TOX4: variants seen among roughly 807,000 people sequenced by gnomAD.
TOX4 encodes the protein TOX high mobility group box family member 4.
In TOX4, 12 loss-of-function variants were observed where a neutral mutation model predicts 61.0. The observed-to-expected ratio is 0.20, with a 90% CI of 0.13 to 0.32. The LOEUF (loss-of-function observed/expected upper bound fraction) is 0.32. Among genes scored for constraint, TOX4 ranks in the 10% least tolerant of loss-of-function variants. The pLI is 1.00. For missense variants in TOX4, 499 were observed against 753.3 expected (o/e 0.66, Z 3.95); for synonymous variants, 268 against 274.8 (o/e 0.98, Z 0.24).
chr14:21,477,764 CA>C (rs1352837413), intron 2 of TOX4, among the ~76,000 whole-genome samples, 200 bp downstream of exon 2: 1 of 152,112 alleles, frequency 6.6e-6, no homozygotes, highest in Non-Finnish European at 1.5e-5. Flanking sequence ...CATCAGAAAG[CA>C]AGGTATTGGA....
At chr14:21,482,489 T>C (rs1891121904) in intron 2 of TOX4, 1 of 441,806 alleles carries the variant, frequency 2.3e-6, no homozygotes, top group Non-Finnish European at 4.6e-6. Flanking sequence ...AATGGTATTT[T>C]TGATTTTTTG....
At position 21,487,612 on chromosome 14, in the gene TOX4, C is replaced by G; in HGVS notation, c.237C>G (p.Val79=). 1 of 1,614,158 alleles carries G rather than the reference C, an allele frequency of 6.2e-7. No homozygotes were observed. The highest frequency in any genetic ancestry group is 8.5e-7 in the Non-Finnish European group (1 of 1,180,038). ...GCAGTTTTTCAGCCCAGTATGGGGT[C>G]CAGACATTGGACATGCCTGTGGGCA... ...QDGSFSAQYG[V]QTLDMPVGMT... Residue 79 remains valine, a synonymous_variant, in exon 3 of 9, where the codon GTC becomes GTG. Transcript: ENST00000448790.
At chr14:21,482,733 C>T (rs770048435) in intron 2 of TOX4, 45 of 262,358 alleles carry the variant, frequency 1.7e-4, no homozygotes, top group Non-Finnish European at 3.2e-4. Context: ...GTTATGTAAT[C>T]CGCTAAAATA....
At position 21,488,813 on chromosome 14, in the gene TOX4, G is replaced by C. The variant is rs1220364528; in HGVS notation, c.542G>C (p.Ser181Thr). 6.2e-7 allele frequency: 1 copy of C among 1,614,194 alleles called. No homozygotes were observed. The highest frequency in any genetic ancestry group is 1.7e-5 in the Admixed American group (1 of 60,024). ...DRLSTTPSPT[S>T]SLHEDGVEDF... ...CTTTCAACCACCCCTTCACCTACTA[G>C]TTCACTTCACGAGGATGGTGTTGAG... The change falls in exon 4 of 9, where the codon AGT (serine) becomes ACT (threonine). Residue 181 changes from serine (S) to threonine (T), a missense_variant. This residue lies in a region of TOX4 where 61 missense variants were observed against 76.1 expected (regional missense o/e 0.80). Transcript: ENST00000448790.
chr14:21,496,502 A>T, intron 8 of TOX4, 44 bp from the exon 9 acceptor site: 2 of 1,544,248 alleles, frequency 1.3e-6, no homozygotes, highest in South Asian at 1.2e-5. Context: ...ATTCTATTTC[A>T]GTTTGTGTAT....
intron 2 of TOX4, among the ~76,000 whole-genome samples, chr14:21,483,712 A>G (rs1056323597): frequency 4.0e-5 from 6 of 151,522 alleles, no homozygotes; most frequent in Admixed American, 2.6e-4. Flanking sequence ...ACATACATAA[A>G]TACATGATTT....
Position 21,477,580 on chromosome 14 carries a change from C to G in TOX4, c.75+16C>G. On this transcript the variant is annotated intron_variant, in intron 2 of 8. Coordinates refer to ENST00000448790, the MANE Select transcript of TOX4 (RefSeq NM_014828.4). ...AGGGGCCGAGGTGAGCCAGAGCTGC[C>G]GACGCCGCGGGGGTAGGGCCTGAGG... The G allele has an allele frequency of 6.2e-7, 1 of 1,613,094 alleles. No homozygotes were observed.
At chr14:21,489,444 GTT>G in intron 5 of TOX4, 41 bp downstream of exon 5, 1 of 1,543,616 alleles carries the variant, frequency 6.5e-7, no homozygotes, top group South Asian at 1.2e-5. Flanking sequence ...TGTTCCAGAA[GTT>G]TTTAAAGAGA....
At chr14:21,490,619 C>T (rs1476171376) in intron 5 of TOX4, among the ~76,000 whole-genome samples, 1 of 152,204 alleles carries the variant, frequency 6.6e-6, no homozygotes, top group Admixed American at 6.5e-5. Context: ...AGTTGAGACA[C>T]AATCCAGGTT....
rs1047957121 is a variant in TOX4 at position 21,497,195 on chromosome 14, C to CT, written c.*590dup. On this transcript the variant is annotated 3_prime_UTR_variant, in exon 9 of 9. Coordinates refer to ENST00000448790, the MANE Select transcript of TOX4 (RefSeq NM_014828.4). Reference sequence around the variant, plus strand: ...ATCTGAGTTATCACAGTTCATGAATCTAAGAGGCGGAACTCTACATCATTA... The same window carrying CT: ...ATCTGAGTTATCACAGTTCATGAATCTTAAGAGGCGGAACTCTACATCATTA... 6.6e-6 allele frequency: 1 copy of CT among 152,284 alleles called. No individual in the cohort carries two copies. Among genetic ancestry groups the CT allele is most frequent in the Non-Finnish European group, 1.5e-5 (1 of 68,130 alleles). The allele number at this position is 152,284 out of a possible 1,614,324, so 9.4% of individuals were successfully genotyped here.
intron 2 of TOX4, among the ~76,000 whole-genome samples, chr14:21,483,729 T>C (rs1305610388): frequency 6.7e-6 from 1 of 149,374 alleles, no homozygotes; most frequent in African/African-American, 2.5e-5. Context: ...ATTTGTGTAC[T>C]ACTGAGAAAA....
At position 21,478,044 on chromosome 14, in the gene TOX4, C is replaced by T. The variant is rs1891034455; in HGVS notation, c.75+480C>T. On this transcript the variant is annotated intron_variant, in intron 2 of 8. Transcript: ENST00000448790. ...CTCTGTCTCCTGGGTTCAAGCGATT[C>T]TCCTGCCTCAGCCTCCCGAGTAGCT... is the stretch of plus-strand genomic sequence containing the variant. Among the ~76,000 whole-genome samples the T allele has an allele frequency of 2.0e-5, 3 of 152,212 alleles. No individual in the cohort carries two copies. In the South Asian group the frequency reaches 6.2e-4, roughly 32 times the overall value.
In TOX4 at chr14:21,492,526, G is replaced by C; in HGVS notation, c.910G>C (p.Glu304Gln). The stretch of plus-strand genomic sequence containing the variant: ...CTTTTAGGCCACTGTGGAAACAGTG[G>C]AATTGGATCCAGCACCACCATCACA... ...QECQATVETV[E>Q]LDPAPPSQTP... is the part of the protein sequence containing the mutation. Residue 304 changes from glutamate (E) to glutamine (Q), a missense_variant, in exon 7 of 9, where the codon GAA becomes CAA. Physicochemically the swap from Glu to Gln is conservative, Grantham distance 29. This residue lies in a region of TOX4 where 296 missense variants were observed against 404.7 expected (regional missense o/e 0.73). Transcript: ENST00000448790. 6.2e-7 allele frequency: 1 copy of C among 1,613,826 alleles called. No homozygotes were observed. Among genetic ancestry groups the C allele is most frequent in the Non-Finnish European group, 8.5e-7 (1 of 1,179,892 alleles).
At chr14:21,491,348 T>C (rs1378681150) in intron 5 of TOX4, among the ~76,000 whole-genome samples, 1 of 151,796 alleles carries the variant, frequency 6.6e-6, no homozygotes, top group East Asian at 1.9e-4. Flanking sequence ...TGGATTAGGG[T>C]TTATTTTGTA....
In TOX4 at chr14:21,492,359, G is replaced by C; in HGVS notation, c.874G>C (p.Asp292His). 6.2e-7 allele frequency: 1 copy of C among 1,613,802 alleles called. No homozygotes were observed. The highest frequency in any genetic ancestry group is 8.5e-7 in the Non-Finnish European group (1 of 1,179,916). Reference protein sequence around the residue: ...EYLKALAAYKDNQECQATVET... With the variant: ...EYLKALAAYKHNQECQATVET... Reference sequence around the variant, plus strand: ...TCTGAAGGCACTGGCTGCTTACAAAGACAACCAGGAGTGTCAGGTAAGAGG... The same window carrying C: ...TCTGAAGGCACTGGCTGCTTACAAACACAACCAGGAGTGTCAGGTAAGAGG... Residue 292 changes from aspartate to histidine, a missense_variant, in exon 6 of 9, where the codon GAC (aspartate) becomes CAC (histidine). Transcript: ENST00000448790.
chr14:21,478,719 G>A (rs569508577), intron 2 of TOX4, among the ~76,000 whole-genome samples: 2 of 152,256 alleles, frequency 1.3e-5, no homozygotes, highest in Non-Finnish European at 2.9e-5. Flanking sequence ...AATTGTCAGT[G>A]GCTGTTGCAT....
At position 21,488,291 on chromosome 14, in the gene TOX4, A is replaced by G. The variant is rs192733284; in HGVS notation, c.319-299A>G. The G allele has an allele frequency of 4.1e-3, 1,165 of 281,460 alleles. 5 individuals are homozygous for G. Among genetic ancestry groups the G allele is most frequent in the Middle Eastern group, 9.4e-3 (8 of 850 alleles). The allele number at this position is 281,460 out of a possible 1,614,324, so 17.4% of individuals were successfully genotyped here. A position where few individuals can be genotyped will look rare whatever the true frequency, so the allele number is the denominator to read the frequency against. ...CAGATAGGAAGTTTTTCTTTACTCA[A>G]TGTGTTGTCACTACCTATATATTAC... On this transcript the variant is annotated intron_variant, in intron 3 of 8. Coordinates refer to ENST00000448790, the MANE Select transcript of TOX4 (RefSeq NM_014828.4).
At chr14:21,487,901 A>C in intron 3 of TOX4, 11 of 515,536 alleles carry the variant, frequency 2.1e-5, no homozygotes, top group South Asian at 7.4e-5. Context: ...AAATTGTACA[A>C]TGTCTGGTTT....
At chr14:21,487,944 T>C (rs1182619182) in intron 3 of TOX4, 2 of 366,530 alleles carry the variant, frequency 5.5e-6, no homozygotes, top group Non-Finnish European at 9.3e-6. Context: ...TGGGAAAAAG[T>C]GTTTTCTGCT....
Sources: gnomAD v4.1 joint callset for allele counts (sites outside exome capture counted in the v4.1 genomes callset) on GRCh38, gnomAD v4.1.1 for gene constraint, gnomAD v4.1.1 regional missense constraint, MANE v1.5 for transcripts, NCBI Gene and HGNC (gene_info 2026-07-23, HGNC 2026-07-21) for gene names.